NBEA: variants seen among roughly 807,000 people sequenced by gnomAD.
NBEA encodes neurobeachin.
NBEA carries 44 observed loss-of-function variants against 343.4 expected under a neutral mutation model. The ratio of observed to expected loss-of-function variants is 0.13; its 90% confidence interval spans 0.10 to 0.16. The LOEUF (loss-of-function observed/expected upper bound fraction) is 0.16. NBEA is among the 10% of genes least tolerant of loss of function. The pLI is 1.00. For synonymous variants in NBEA, 1,175 were observed against 1,238.7 expected (o/e 0.95, Z 1.08); for missense variants, 2,555 against 3,631.3 (o/e 0.70, Z 7.62).
intron 41 of NBEA, among the ~76,000 whole-genome samples, chr13:35,539,157 T>A (rs1445484040): frequency 1.3e-5 from 2 of 152,222 alleles, no homozygotes; most frequent in Non-Finnish European, 2.9e-5. Flanking sequence ...ACAGAATTCC[T>A]GCCCTCAGTG....
rs926321280 is a variant in NBEA, at chr13:35,059,787, AG to A, written c.1239+925del. Among the ~76,000 whole-genome samples the A allele has an allele frequency of 3.9e-4, 59 of 150,290 alleles. 1 individual carries two copies. The highest frequency in any genetic ancestry group is 1.4e-3 in the African/African-American group (57 of 41,166). Reference sequence around the variant, plus strand: ...AGAGAGAGAGAGAGAGAGAGAGGAAAGTTTGAATTTACCCATATTAAAAGAT... The same window carrying A: ...AGAGAGAGAGAGAGAGAGAGAGGAAATTTGAATTTACCCATATTAAAAGAT... On this transcript the variant is annotated intron_variant, in intron 8 of 58. Transcript: ENST00000379939.
At chr13:35,348,518 T>C (rs1185410284) in intron 36 of NBEA, among the ~76,000 whole-genome samples, 7 of 151,980 alleles carry the variant, frequency 4.6e-5, no homozygotes, top group Admixed American at 4.6e-4. Flanking sequence ...GTTAAAAAAG[T>C]CAGCTATATG....
chr13:35,425,744 G>C (rs2044622926), intron 38 of NBEA, among the ~76,000 whole-genome samples: 1 of 152,156 alleles, frequency 6.6e-6, no homozygotes, highest in Non-Finnish European at 1.5e-5. Flanking sequence ...GTTGACAGTG[G>C]GGTGTGAAAG....
chr13:35,244,147 C>G (rs1476304888), intron 34 of NBEA, among the ~76,000 whole-genome samples: 2 of 151,572 alleles, frequency 1.3e-5, no homozygotes, highest in Non-Finnish European at 3.0e-5. Context: ...GTAGAAACTC[C>G]ATAAACACTT....
chr13:35,602,772 A>T (rs1042525605), intron 47 of NBEA, among the ~76,000 whole-genome samples: 1 of 152,138 alleles, frequency 6.6e-6, no homozygotes, highest in African/African-American at 2.4e-5. Flanking sequence ...TCTTTCTATG[A>T]CTAGCCCCAG....
intron 17 of NBEA, among the ~76,000 whole-genome samples, chr13:35,134,481 T>C (rs1352157383): frequency 1.3e-5 from 2 of 151,700 alleles, no homozygotes. Flanking sequence ...AAAAAGAAAT[T>C]ATGCAAAAAT....
intron 43 of NBEA, among the ~76,000 whole-genome samples, chr13:35,551,353 A>T (rs1419109508): frequency 2.6e-5 from 4 of 152,180 alleles, no homozygotes; most frequent in Admixed American, 2.6e-4. Context: ...AAGATCATAA[A>T]TGATTAATTG....
chr13:34,999,010 C>G (rs190272553), intron 1 of NBEA, among the ~76,000 whole-genome samples: 1 of 152,222 alleles, frequency 6.6e-6, no homozygotes, highest in Non-Finnish European at 1.5e-5. Context: ...TCCATGAAAT[C>G]TTCACAATTT....
At chr13:35,643,181 C>G (rs186753482) in intron 49 of NBEA, among the ~76,000 whole-genome samples, 13 of 151,540 alleles carry the variant, frequency 8.6e-5, no homozygotes, top group Non-Finnish European at 1.8e-4. Flanking sequence ...CAAGCTAATT[C>G]TTACTTAATC....
intron 10 of NBEA, among the ~76,000 whole-genome samples, chr13:35,075,809 AAGCAAC>A (rs2064088591): frequency 6.6e-6 from 1 of 152,058 alleles, no homozygotes; most frequent in South Asian, 2.1e-4. Flanking sequence ...GTAATACATA[AAGCAAC>A]AGAATTACCT....
At position 35,116,033 on chromosome 13, in the gene NBEA, A is replaced by G. The variant is rs372106343; in HGVS notation, c.2003-1381A>G. ...AGTGTGGGTGTGGTCAGGAAAAGCA[A>G]TGTGGCACAGAGCTGAGGTCTGGAG... On this transcript the variant is annotated intron_variant, in intron 13 of 58. Coordinates refer to ENST00000379939, the MANE Select transcript of NBEA (RefSeq NM_001385012.1). 3.9e-5 allele frequency among the ~76,000 whole-genome samples: 6 copies of G among 152,282 alleles called. No individual in the cohort carries two copies. The East Asian group carries it at 5.8e-4, about 15-fold the overall frequency.
chr13:35,324,257 A>G (rs1337128499), intron 36 of NBEA, among the ~76,000 whole-genome samples: 2 of 152,250 alleles, frequency 1.3e-5, no homozygotes, highest in African/African-American at 2.4e-5. Flanking sequence ...CCTGTGTCAT[A>G]GATTTTAGCC....
intron 34 of NBEA, among the ~76,000 whole-genome samples, chr13:35,287,035 C>T (rs558020762): frequency 1.3e-5 from 2 of 152,128 alleles, no homozygotes; most frequent in Non-Finnish European, 2.9e-5. Flanking sequence ...CAATATAGTT[C>T]ATAATATATT....
chr13:35,008,318 C>T (rs183035685), intron 1 of NBEA, among the ~76,000 whole-genome samples: 7 of 152,178 alleles, frequency 4.6e-5, no homozygotes, highest in Admixed American at 1.3e-4. Context: ...CCAAAATCTA[C>T]GGATGCTCTA....
chr13:34,965,141 AC>A (rs917294910), intron 1 of NBEA, among the ~76,000 whole-genome samples: 3 of 152,030 alleles, frequency 2.0e-5, no homozygotes, highest in African/African-American at 7.2e-5. Flanking sequence ...ATTAGTTTAA[AC>A]ATACTTGTAT....
At position 35,127,399 on chromosome 13, in the gene NBEA, G is replaced by T. The variant is rs532676464; in HGVS notation, c.2336+3825G>T. ...GGAGAAACTATTGCTAAGGACCGCTGGTGAGCACTGAATAAATTTAACCAT... is the reference window on the plus strand; with the variant it reads ...GGAGAAACTATTGCTAAGGACCGCTTGTGAGCACTGAATAAATTTAACCAT... On this transcript the variant is annotated intron_variant, in intron 17 of 58. Coordinates refer to ENST00000379939, the MANE Select transcript of NBEA (RefSeq NM_001385012.1). Among the ~76,000 whole-genome samples, 165 of 152,236 alleles carry T rather than the reference G, an allele frequency of 1.1e-3. 2 individuals carry two copies. In the South Asian group the frequency reaches 0.033, roughly 30 times the overall value.
At chr13:35,140,291 G>A (rs767565926) in intron 17 of NBEA, among the ~76,000 whole-genome samples, 43 of 152,022 alleles carry the variant, frequency 2.8e-4, no homozygotes, top group Non-Finnish European at 6.2e-4. Context: ...TGGGATTACA[G>A]GCATGAGGCA....
intron 41 of NBEA, among the ~76,000 whole-genome samples, chr13:35,516,528 A>G (rs1452599123): frequency 6.6e-6 from 1 of 152,178 alleles, no homozygotes; most frequent in Non-Finnish European, 1.5e-5. Context: ...AAATGAGTCT[A>G]CCCAGGTAAT....
chr13:35,234,273 G>C (rs77827766), intron 34 of NBEA, among the ~76,000 whole-genome samples: 4,011 of 152,216 alleles, frequency 0.026, 60 homozygotes, highest in African/African-American at 0.042. Flanking sequence ...ATGCTCTGAA[G>C]AATTGGATTC....
Sources: gnomAD v4.1 joint callset for allele counts (sites outside exome capture counted in the v4.1 genomes callset) on GRCh38, gnomAD v4.1.1 for gene constraint, MANE v1.5 for transcripts, NCBI Gene and HGNC (gene_info 2026-07-23, HGNC 2026-07-21) for gene names.